CADPS2: variants seen among roughly 807,000 people sequenced by gnomAD.
The protein encoded by CADPS2 is calcium-dependent secretion activator 2.
Under a neutral mutation model 172.5 loss-of-function variants are expected in CADPS2, and 93 were observed. The observed-to-expected ratio is 0.54, with a 90% confidence interval of 0.46 to 0.64. The LOEUF (loss-of-function observed/expected upper bound fraction) is 0.64. CADPS2 is among the 30% of genes least tolerant of loss of function. The pLI is 0.00. For missense variants in CADPS2, 1,420 were observed against 1,565.9 expected (o/e 0.91, Z 1.57); for synonymous variants, 546 against 555.2 (o/e 0.98, Z 0.23).
intron 1 of CADPS2, among the ~76,000 whole-genome samples, chr7:122,777,428 T>A (rs1331488277): frequency 6.6e-6 from 1 of 152,180 alleles, no homozygotes; most frequent in Non-Finnish European, 1.5e-5. Flanking sequence ...TTATGTGTGC[T>A]TACATATTGG....
intron 1 of CADPS2, among the ~76,000 whole-genome samples, chr7:122,836,863 G>C (rs979273326): frequency 2.6e-4 from 39 of 152,232 alleles, no homozygotes; most frequent in African/African-American, 9.4e-4. Context: ...ACATTAGACA[G>C]ATCAACGAGA....
intron 2 of CADPS2, among the ~76,000 whole-genome samples, chr7:122,664,064 CA>C (rs541690772): frequency 0.094 from 7,983 of 84,866 alleles, 259 homozygotes; most frequent in African/African-American, 0.21. Context: ...TGTTTATAAG[CA>C]AAAAAAAAAA....
chr7:122,355,338 T>C (rs1010689896), intron 27 of CADPS2, among the ~76,000 whole-genome samples: 4 of 152,202 alleles, frequency 2.6e-5, no homozygotes, highest in Admixed American at 1.3e-4. Flanking sequence ...CCCAGGACTT[T>C]GGGATGCCGA....
chr7:122,748,421 T>C (rs1450091277), intron 1 of CADPS2, among the ~76,000 whole-genome samples: 4 of 152,238 alleles, frequency 2.6e-5, no homozygotes, highest in African/African-American at 9.6e-5. Context: ...GAAGCCATAT[T>C]TGCAAGAAAC....
intron 1 of CADPS2, among the ~76,000 whole-genome samples, chr7:122,879,947 C>T (rs762920667): frequency 4.6e-4 from 70 of 152,224 alleles, no homozygotes; most frequent in Admixed American, 1.4e-3. Context: ...AGAACTTAAA[C>T]AAGTCATTTT....
intron 6 of CADPS2, among the ~76,000 whole-genome samples, chr7:122,608,047 A>G (rs1357887629): frequency 2.6e-5 from 4 of 151,716 alleles, no homozygotes; most frequent in Admixed American, 1.3e-4. Flanking sequence ...TGAAACCCTG[A>G]CTCTACTAAA....
At chr7:122,363,664 G>A (rs1324916532) in intron 25 of CADPS2, among the ~76,000 whole-genome samples, 2 of 151,836 alleles carry the variant, frequency 1.3e-5, no homozygotes, top group East Asian at 1.9e-4. Context: ...CAGCTATCCC[G>A]CCCACCTTAC....
At chr7:122,716,478 T>G (rs2089616757) in intron 2 of CADPS2, among the ~76,000 whole-genome samples, 1 of 151,986 alleles carries the variant, frequency 6.6e-6, no homozygotes, top group Non-Finnish European at 1.5e-5. Flanking sequence ...GAGCTCCCAG[T>G]CAGCAGAAAG....
At position 122,513,380 on chromosome 7, in the gene CADPS2, C is replaced by T. The variant is rs2130839966; in HGVS notation, c.1476-65G>A. 1.4e-5 allele frequency: 17 copies of T among 1,251,324 alleles called. No individual in the cohort carries two copies. In the South Asian group the frequency reaches 1.9e-4, roughly 14 times the overall value. 77.5% of individuals were successfully genotyped at this position (1,251,324 alleles called of 1,614,324 possible). ...ATAATGTTGTGCTTCCATGTAATCA[C>T]ATTTCTTCCATAGGTATTTATTTTT... On this transcript the variant is annotated intron_variant, in intron 8 of 29. Transcript: ENST00000449022.
chr7:122,616,359 TAG>T lies in CADPS2; in HGVS notation c.1105-1062_1105-1061del, dbSNP rs534693493. ...ACTTTATTACAGTCATCACATTTTT[TAG>T]AGTCATGATAAGAATTTTGATCCAA... On this transcript the variant is annotated intron_variant, in intron 5 of 29. Coordinates refer to ENST00000449022, the MANE Select transcript of CADPS2 (RefSeq NM_017954.11). 1.1e-4 allele frequency among the ~76,000 whole-genome samples: 17 copies of T among 152,224 alleles called. No homozygotes were observed. The South Asian group carries it at 3.3e-3, about 30-fold the overall frequency.
intron 2 of CADPS2, among the ~76,000 whole-genome samples, chr7:122,723,370 T>G (rs1450908925): frequency 2.0e-5 from 3 of 152,054 alleles, no homozygotes; most frequent in African/African-American, 2.4e-5. Flanking sequence ...GGGCAAAGCA[T>G]ATGAACAGAC....
At chr7:122,655,451 A>T (rs1331180050) in intron 3 of CADPS2, among the ~76,000 whole-genome samples, 1 of 152,192 alleles carries the variant, frequency 6.6e-6, no homozygotes, top group African/African-American at 2.4e-5. Context: ...CAAAAAGATT[A>T]TGACTTGCTG....
At chr7:122,594,955 C>T (rs2071516214) in intron 6 of CADPS2, among the ~76,000 whole-genome samples, 1 of 151,740 alleles carries the variant, frequency 6.6e-6, no homozygotes, top group Admixed American at 6.6e-5. Context: ...ATGCACAAAT[C>T]CCCCAGATGT....
At chr7:122,809,788 A>G (rs757373595) in intron 1 of CADPS2, among the ~76,000 whole-genome samples, 67 of 152,154 alleles carry the variant, frequency 4.4e-4, no homozygotes, top group Non-Finnish European at 8.8e-4. Context: ...AAGTTCATGC[A>G]AGTGTCCAGT....
At chr7:122,662,723 T>A (rs1329242196) in intron 3 of CADPS2, among the ~76,000 whole-genome samples, 2 of 152,176 alleles carry the variant, frequency 1.3e-5, no homozygotes, top group Non-Finnish European at 1.5e-5. Flanking sequence ...AGAGAAAATA[T>A]AATATTCACT....
At chr7:122,728,969 C>T (rs776895357) in intron 2 of CADPS2, among the ~76,000 whole-genome samples, 5 of 151,796 alleles carry the variant, frequency 3.3e-5, no homozygotes, top group Non-Finnish European at 7.4e-5. Flanking sequence ...AACATTAGAA[C>T]TTTAACTGTA....
chr7:122,600,539 A>G lies in CADPS2; in HGVS notation c.1223+14642T>C, dbSNP rs2072598996. On this transcript the variant is annotated intron_variant, in intron 6 of 29. Coordinates refer to ENST00000449022, the MANE Select transcript of CADPS2 (RefSeq NM_017954.11). ...CAAACTTGCTCTGAGCCTTCTAGAA[A>G]TACTGTTACTTCTGTAATTTTAATG... Among the ~76,000 whole-genome samples, 5 of 152,152 alleles carry G rather than the reference A, an allele frequency of 3.3e-5. No individual in the cohort carries two copies. The South Asian group carries it at 1.0e-3, about 31-fold the overall frequency.
intron 1 of CADPS2, among the ~76,000 whole-genome samples, chr7:122,824,905 A>G (rs1217403735): frequency 2.0e-5 from 3 of 152,174 alleles, no homozygotes; most frequent in African/African-American, 7.2e-5. Context: ...GGTTGTTCCA[A>G]CACTATTTAT....
intron 2 of CADPS2, among the ~76,000 whole-genome samples, chr7:122,685,413 G>A (rs2083506836): frequency 6.6e-6 from 1 of 152,172 alleles, no homozygotes; most frequent in African/African-American, 2.4e-5. Context: ...GCGTTTGATG[G>A]CAGCTAACAC....
Sources: gnomAD v4.1 joint callset for allele counts (sites outside exome capture counted in the v4.1 genomes callset) on GRCh38, gnomAD v4.1.1 for gene constraint, MANE v1.5 for transcripts, NCBI Gene and HGNC (gene_info 2026-07-23, HGNC 2026-07-21) for gene names.